GAS7: variants seen among roughly 807,000 people sequenced by gnomAD.
GAS7 encodes growth arrest specific 7.
In GAS7, 28 loss-of-function variants were observed where a neutral mutation model predicts 71.1. The ratio of observed to expected loss-of-function variants is 0.39; its 90% CI spans 0.29 to 0.54. GAS7 has a LOEUF of 0.54. GAS7 is among the 20% of genes least tolerant of loss of function. The pLI, the probability that GAS7 is intolerant of heterozygous loss-of-function variation, is 0.62. For synonymous variants in GAS7, 258 were observed against 245.8 expected (o/e 1.05, Z -0.46); for missense variants, 436 against 627.8 (o/e 0.69, Z 3.27).
intron 1 of GAS7, among the ~76,000 whole-genome samples, chr17:10,099,349 G>A (rs868356931): frequency 5.9e-5 from 9 of 152,238 alleles, no homozygotes; most frequent in South Asian, 4.1e-4. Flanking sequence ...CACAGACGCC[G>A]AAAGAGGCAG....
intron 1 of GAS7, among the ~76,000 whole-genome samples, chr17:10,133,625 C>T (rs1242258408): frequency 6.6e-6 from 1 of 152,080 alleles, no homozygotes; most frequent in Non-Finnish European, 1.5e-5. Context: ...ACTATAGTCA[C>T]CATTTCCTGA....
chr17:10,064,747 T>C (rs1028410968), intron 1 of GAS7, among the ~76,000 whole-genome samples: 2 of 122,338 alleles, frequency 1.6e-5, no homozygotes, highest in Non-Finnish European at 3.8e-5. Context: ...ATCAGACTGC[T>C]GACACTGTTT....
At chr17:10,008,629 C>T (rs986924493) in intron 2 of GAS7, among the ~76,000 whole-genome samples, 6 of 152,140 alleles carry the variant, frequency 3.9e-5, no homozygotes, top group South Asian at 2.1e-4. Flanking sequence ...CATGTTAGAA[C>T]GGATATCCTG....
chr17:9,921,702 G>A (rs765226672), intron 11 of GAS7, among the ~76,000 whole-genome samples: 1 of 152,274 alleles, frequency 6.6e-6, no homozygotes, highest in East Asian at 1.9e-4. Flanking sequence ...CCTCACGCCT[G>A]TAATCCCAGC....
intron 1 of GAS7, among the ~76,000 whole-genome samples, chr17:10,080,259 T>C (rs1232341572): frequency 6.6e-6 from 1 of 152,168 alleles, no homozygotes; most frequent in Non-Finnish European, 1.5e-5. Context: ...ACCAGCACCA[T>C]GACAGTTGAC....
chr17:10,012,109 T>G (rs965167883), intron 2 of GAS7, among the ~76,000 whole-genome samples: 10 of 152,128 alleles, frequency 6.6e-5, no homozygotes, highest in Non-Finnish European at 1.3e-4. Flanking sequence ...GACTAATACA[T>G]TAAACTAAAC....
intron 1 of GAS7, among the ~76,000 whole-genome samples, chr17:10,022,843 G>A (rs1450028751): frequency 6.6e-6 from 1 of 152,066 alleles, no homozygotes; most frequent in Non-Finnish European, 1.5e-5. Context: ...AATACTACCC[G>A]ACTTGAACGG....
Position 9,959,063 on chromosome 17 carries a change from T to C in GAS7, c.525+139A>G. 4 of 1,332,268 alleles carry C rather than the reference T, an allele frequency of 3.0e-6. No individual in the cohort carries two copies. The highest frequency in any genetic ancestry group is 4.0e-6 in the Non-Finnish European group (4 of 1,001,702). The allele number at this position is 1,332,268 out of a possible 1,614,324, so 82.5% of individuals were successfully genotyped here. A position where few individuals can be genotyped will look rare whatever the true frequency, so the allele number is the denominator to read the frequency against. ...GGGGCATGTGGATGGGGAACTTGAG[T>C]GAAATCCGAGCTTTGGAACTTCCCC... On this transcript the variant is annotated intron_variant, in intron 5 of 13. Transcript: ENST00000432992. The surrounding 1 kb of genome is among the most constrained non-coding windows in gnomAD (Gnocchi z 5.0).
chr17:10,042,087 G>A (rs554098068), intron 1 of GAS7, among the ~76,000 whole-genome samples: 120 of 152,162 alleles, frequency 7.9e-4, no homozygotes, highest in African/African-American at 1.0e-3. Flanking sequence ...ATGAGGTCAC[G>A]AGTTCAAAAC....
At chr17:9,979,677 C>T (rs907091690) in intron 3 of GAS7, among the ~76,000 whole-genome samples, 26 of 152,064 alleles carry the variant, frequency 1.7e-4, no homozygotes, top group African/African-American at 6.3e-4. Context: ...GGGCAGGCTG[C>T]GAGTCACACG....
chr17:9,927,459 GAC>G lies in GAS7; in HGVS notation c.886-692_886-691del, dbSNP rs764743393. Reference sequence around the variant, plus strand: ...TGTGCCACTGCACTTCAGCCTGGGTGACAGAGTGAGACTTGGTCTCAAAAAAA... The same window carrying G: ...TGTGCCACTGCACTTCAGCCTGGGTGAGAGTGAGACTTGGTCTCAAAAAAA... On this transcript the variant is annotated intron_variant, in intron 9 of 13. Transcript: ENST00000432992. Among the ~76,000 whole-genome samples the G allele has an allele frequency of 2.7e-5, 4 of 150,642 alleles. No individual in the cohort carries two copies. In the East Asian group the frequency reaches 5.9e-4, roughly 22 times the overall value.
intron 1 of GAS7, among the ~76,000 whole-genome samples, chr17:10,172,303 G>A (rs1168260382): frequency 6.6e-6 from 1 of 152,192 alleles, no homozygotes; most frequent in Non-Finnish European, 1.5e-5. Flanking sequence ...ACCAGCCAGT[G>A]CAGCTAACCT....
chr17:9,993,306 G>A (rs1250116996), intron 2 of GAS7, among the ~76,000 whole-genome samples: 4 of 152,168 alleles, frequency 2.6e-5, no homozygotes, highest in Admixed American at 1.3e-4. Context: ...TCTAACTGGT[G>A]TGAGATGGTA....
Position 9,926,722 on chromosome 17 carries a change from G to C in GAS7, c.933C>G (p.Phe311Leu), listed in dbSNP as rs763787573. The change falls in exon 10 of 14, where the codon TTC (phenylalanine) becomes TTG (leucine). Residue 311 changes from phenylalanine to leucine, a missense_variant. Physicochemically the swap from Phe to Leu is conservative, Grantham distance 22. Transcript: ENST00000432992. This position sits in a 1 kb window ranked among gnomAD's most constrained non-coding sequence, Gnocchi z 5.0. ...EKPLMNFREN[F>L]KKDMKKCDHH... The stretch of plus-strand genomic sequence containing the variant: ...GGTCGCACTTCTTCATGTCTTTCTT[G>C]AAGTTCTCACGGAAGTTCATCAGGG... 7.4e-6 allele frequency: 12 copies of C among 1,613,930 alleles called. No individual in the cohort carries two copies. The highest frequency in any genetic ancestry group is 1.0e-5 in the Non-Finnish European group (12 of 1,179,968).
At chr17:9,977,644 C>A (rs2070257033) in intron 3 of GAS7, among the ~76,000 whole-genome samples, 1 of 150,316 alleles carries the variant, frequency 6.7e-6, no homozygotes, top group Non-Finnish European at 1.5e-5. Context: ...TTCCATAACT[C>A]TGGTGATATT....
intron 1 of GAS7, among the ~76,000 whole-genome samples, chr17:10,154,515 A>C (rs1252673799): frequency 5.3e-5 from 8 of 151,756 alleles, no homozygotes; most frequent in Admixed American, 1.3e-4. Flanking sequence ...AGAAAAACAA[A>C]AAAAAAAAAT....
At chr17:9,996,306 C>T (rs1026384564) in intron 2 of GAS7, among the ~76,000 whole-genome samples, 2 of 151,338 alleles carry the variant, frequency 1.3e-5, no homozygotes, top group African/African-American at 2.4e-5. Context: ...TCATTCTCAG[C>T]AAACTATTGC....
chr17:10,049,896 A>G lies in GAS7; in HGVS notation c.184-29999T>C, dbSNP rs180983443. On this transcript the variant is annotated intron_variant, in intron 1 of 13. Transcript: ENST00000432992. ...TGGCGTCCCAAAGTGTTGGGATTAC[A>G]GGCGTGAGCCACCGCGCCCGGTCTG... Among the ~76,000 whole-genome samples the G allele has an allele frequency of 2.6e-5, 4 of 152,286 alleles. No homozygotes were observed. The East Asian group carries it at 7.7e-4, about 29-fold the overall frequency.
intron 2 of GAS7, among the ~76,000 whole-genome samples, chr17:10,007,121 G>A (rs1274258368): frequency 6.6e-6 from 1 of 152,168 alleles, no homozygotes; most frequent in Non-Finnish European, 1.5e-5. Flanking sequence ...ATTACACAGT[G>A]TCCTTGCAAA....
Sources: gnomAD v4.1 joint callset for allele counts (sites outside exome capture counted in the v4.1 genomes callset) on GRCh38, gnomAD v4.1.1 for gene constraint, Gnocchi (gnomAD v3.1) non-coding constraint, MANE v1.5 for transcripts, NCBI Gene and HGNC (gene_info 2026-07-23, HGNC 2026-07-21) for gene names.